The following CAMSAP2 variants were observed in gnomAD, a reference collection of about 807,000 sequenced individuals.
CAMSAP2 encodes calmodulin-regulated spectrin-associated protein 2.
In CAMSAP2, 26 loss-of-function variants were observed where a neutral mutation model predicts 146.1. That is an observed-to-expected ratio of 0.18 (90% CI 0.13 to 0.25). The LOEUF is 0.25. Among genes scored for constraint, CAMSAP2 ranks in the 10% least tolerant of loss-of-function variants. The probability of loss-of-function intolerance (pLI) is 1.00; values close to 1 mark genes in which losing one functional copy is unlikely to be tolerated. For missense variants in CAMSAP2, 1,381 were observed against 1,759.3 expected (o/e 0.78, Z 3.85); for synonymous variants, 499 against 596.6 (o/e 0.84, Z 2.38).
At chr1:200,816,786 G>A (rs1341897485) in intron 4 of CAMSAP2, among the ~76,000 whole-genome samples, 1 of 111,904 alleles carries the variant, frequency 8.9e-6, no homozygotes, top group Non-Finnish European at 1.8e-5. Flanking sequence ...GTGTATATAT[G>A]TGTGTACACA....
At chr1:200,786,210 A>G (rs527830036) in intron 2 of CAMSAP2, among the ~76,000 whole-genome samples, 1 of 152,130 alleles carries the variant, frequency 6.6e-6, no homozygotes, top group South Asian at 2.1e-4. Flanking sequence ...TCAGTTTTTT[A>G]AACTAATTTT....
intron 2 of CAMSAP2, among the ~76,000 whole-genome samples, chr1:200,763,928 G>T (rs1248968203): frequency 6.6e-6 from 1 of 152,014 alleles, no homozygotes; most frequent in Non-Finnish European, 1.5e-5. Flanking sequence ...ACAAAAATTA[G>T]CCAGGTGTGG....
chr1:200,763,814 G>A (rs1469896726), intron 2 of CAMSAP2, among the ~76,000 whole-genome samples: 1 of 152,110 alleles, frequency 6.6e-6, no homozygotes, highest in Non-Finnish European at 1.5e-5. Flanking sequence ...GGTGGCTCGC[G>A]CCTGTAATCC....
intron 15 of CAMSAP2, among the ~76,000 whole-genome samples, chr1:200,856,980 T>C (rs1373242844): frequency 1.3e-5 from 2 of 152,214 alleles, no homozygotes; most frequent in African/African-American, 2.4e-5. Flanking sequence ...AAATTACTCA[T>C]GGACCCATTC....
At chr1:200,752,314 A>G (rs1356162865) in intron 1 of CAMSAP2, among the ~76,000 whole-genome samples, 2 of 152,170 alleles carry the variant, frequency 1.3e-5, no homozygotes, top group Non-Finnish European at 2.9e-5. Context: ...TTTACTGAGC[A>G]TATAATATTG....
chr1:200,775,582 T>G (rs971140460), intron 2 of CAMSAP2, among the ~76,000 whole-genome samples: 1 of 152,130 alleles, frequency 6.6e-6, no homozygotes, highest in Non-Finnish European at 1.5e-5. Flanking sequence ...CAGGCTGGAG[T>G]GCAGTGGCGC....
intron 1 of CAMSAP2, among the ~76,000 whole-genome samples, chr1:200,754,574 CTTTTTT>C (rs35219206): frequency 2.3e-5 from 2 of 86,580 alleles, no homozygotes; most frequent in African/African-American, 9.0e-5. Context: ...GAAAGAGCTC[CTTTTTT>C]TTTTTTTTTT....
intron 1 of CAMSAP2, among the ~76,000 whole-genome samples, chr1:200,748,579 G>A (rs1176340022): frequency 6.6e-6 from 1 of 151,290 alleles, no homozygotes; most frequent in Non-Finnish European, 1.5e-5. Context: ...TAATGTATAG[G>A]CTCCTTCTCC....
intron 2 of CAMSAP2, among the ~76,000 whole-genome samples, chr1:200,776,598 G>A (rs1283116850): frequency 6.6e-6 from 1 of 152,104 alleles, no homozygotes. Context: ...GTTGTTGGGT[G>A]CCTGTAATCC....
At chr1:200,816,917 TGTGTGTACACACACACGC>T (rs1666556127) in intron 4 of CAMSAP2, among the ~76,000 whole-genome samples, 1 of 77,506 alleles carries the variant, frequency 1.3e-5, no homozygotes, top group African/African-American at 5.4e-5. Flanking sequence ...CGCGTGTGTA[TGTGTGTACACACACACGC>T]GTGTGTATGT....
chr1:200,803,936 T>C (rs1348733353), intron 2 of CAMSAP2, among the ~76,000 whole-genome samples: 1 of 152,056 alleles, frequency 6.6e-6, no homozygotes, highest in Non-Finnish European at 1.5e-5. Flanking sequence ...TTTCTTTTTT[T>C]TTTTCTTTGA....
chr1:200,756,836 C>T (rs972102010), intron 1 of CAMSAP2, among the ~76,000 whole-genome samples: 1 of 151,916 alleles, frequency 6.6e-6, no homozygotes, highest in Non-Finnish European at 1.5e-5. Flanking sequence ...TACCACGTAC[C>T]AGGCGCTGAG....
At chr1:200,824,644 T>C (rs936769589) in intron 4 of CAMSAP2, among the ~76,000 whole-genome samples, 3 of 152,154 alleles carry the variant, frequency 2.0e-5, no homozygotes, top group Admixed American at 6.6e-5. Flanking sequence ...ACAATACATA[T>C]ACAGTAGTTT....
chr1:200,801,530 C>G (rs1214265488), intron 2 of CAMSAP2, among the ~76,000 whole-genome samples: 1 of 152,172 alleles, frequency 6.6e-6, no homozygotes, highest in African/African-American at 2.4e-5. Flanking sequence ...GAGTGTTTTC[C>G]AACTTGGTTC....
At chr1:200,825,486 ATTCT>A (rs747246609) in intron 4 of CAMSAP2, among the ~76,000 whole-genome samples, 19 of 149,092 alleles carry the variant, frequency 1.3e-4, no homozygotes, top group South Asian at 4.2e-4. Flanking sequence ...CCTAGAGATC[ATTCT>A]TTCTTTCTTT....
intron 3 of CAMSAP2, among the ~76,000 whole-genome samples, chr1:200,811,882 C>T (rs944814558): frequency 1.3e-5 from 2 of 152,144 alleles, no homozygotes; most frequent in African/African-American, 2.4e-5. Flanking sequence ...ACTTCTTTGA[C>T]TTCCTTCCCG....
chr1:200,757,159 G>A (rs1664676278), intron 1 of CAMSAP2, among the ~76,000 whole-genome samples: 1 of 152,088 alleles, frequency 6.6e-6, no homozygotes, highest in African/African-American at 2.4e-5. Flanking sequence ...AAAATAAGGT[G>A]GCATTCCTAT....
At chr1:200,776,771 A>G (rs1161327466) in intron 2 of CAMSAP2, among the ~76,000 whole-genome samples, 2 of 152,198 alleles carry the variant, frequency 1.3e-5, no homozygotes, top group Non-Finnish European at 2.9e-5. Flanking sequence ...GACATTCATG[A>G]AAAAGGAAGC....
rs921144141 is a variant in CAMSAP2, at chr1:200,806,718, TG to T, written c.400-657del. ...AGGGGCACTTCATATACTACTGTAA[TG>T]TTTTTTTTAGAACTTCCATATAATT... On this transcript the variant is annotated intron_variant, in intron 2 of 16. Coordinates refer to ENST00000358823, the MANE Select transcript of CAMSAP2 (RefSeq NM_203459.4). Among the ~76,000 whole-genome samples, 16 of 151,936 alleles carry T rather than the reference TG, an allele frequency of 1.1e-4. No individual in the cohort carries two copies. In the South Asian group the frequency reaches 1.3e-3, roughly 12 times the overall value.
Sources: allele counts gnomAD v4.1 joint callset (sites outside exome capture counted in the v4.1 genomes callset), GRCh38; gene constraint gnomAD v4.1.1; transcripts MANE v1.5; gene names NCBI Gene and HGNC (gene_info 2026-07-23, HGNC 2026-07-21).